Variants in LPIN1 observed in about 807,000 individuals in gnomAD.
LPIN1 encodes the protein phosphatidate phosphatase LPIN1.
In LPIN1, 71 loss-of-function variants were observed where a neutral mutation model predicts 107.5. That is an observed-to-expected ratio of 0.66 (90% confidence interval 0.55 to 0.80). The LOEUF is 0.80. LPIN1 is among the 30% of genes least tolerant of loss of function. The pLI is 0.00. For missense variants in LPIN1, 1,043 were observed against 1,160.6 expected (o/e 0.90, Z 1.47); for synonymous variants, 445 against 452.6 (o/e 0.98, Z 0.21).
intron 1 of LPIN1, among the ~76,000 whole-genome samples, chr2:11,762,203 G>A (rs1669944485): frequency 6.6e-6 from 1 of 152,156 alleles, no homozygotes; most frequent in South Asian, 2.1e-4. Flanking sequence ...CTCCGGAGTA[G>A]CCAGATGGAA....
Position 11,786,847 on chromosome 2 carries a change from C to T in LPIN1, c.1550-227C>T, listed in dbSNP as rs1389371432. On this transcript the variant is annotated intron_variant, in intron 10 of 20. Transcript: ENST00000674199. The surrounding 1 kb of genome is among the most constrained non-coding windows in gnomAD (Gnocchi z 4.1). ...TATGTGCCTCAACTAAGGTACACGT[C>T]CCCCAACATCCTCAGCCTTGCCCTG... 6.6e-6 allele frequency among the ~76,000 whole-genome samples: 1 copy of T among 152,236 alleles called. No individual in the cohort carries two copies. The highest frequency in any genetic ancestry group is 6.5e-5 in the Admixed American group (1 of 15,294).
Position 11,804,424 on chromosome 2 carries a change from A to G in LPIN1, c.2015A>G (p.Lys672Arg). Reference protein sequence around the residue: ...KTLRLTSEQLKSLKLKNGPND... With the variant: ...KTLRLTSEQLRSLKLKNGPND... ...ATACTAATGGTTCATGTTTTTCAGA[A>G]AAGCTTGAAGTTGAAGAATGGCCCC... Residue 672 changes from lysine to arginine, a missense_variant and splice_region_variant, in exon 16 of 21, where the codon AAA becomes AGA. Lys to Arg is a conservative substitution (Grantham distance 26). Transcript: ENST00000674199. 1 of 1,614,212 alleles carries G rather than the reference A, an allele frequency of 6.2e-7. No individual in the cohort carries two copies.
chr2:11,733,786 C>T (rs543677314), intron 1 of LPIN1, among the ~76,000 whole-genome samples: 1 of 152,316 alleles, frequency 6.6e-6, no homozygotes, highest in African/African-American at 2.4e-5. Flanking sequence ...GCCACTGCAC[C>T]CAGCTACTGT....
At chr2:11,688,527 A>G (rs11884930) in intron 1 of LPIN1, among the ~76,000 whole-genome samples, 55,837 of 151,960 alleles carry the variant, frequency 0.37, 11,125 homozygotes, top group Middle Eastern at 0.45. Context: ...TTACCCCGTA[A>G]AAGTGCAGCC....
chr2:11,776,572 C>T (rs1343563683), intron 6 of LPIN1, among the ~76,000 whole-genome samples: 2 of 151,772 alleles, frequency 1.3e-5, no homozygotes, highest in Non-Finnish European at 2.9e-5. Flanking sequence ...TTTTCTGTCT[C>T]GGGTTGTTTG....
intron 1 of LPIN1, among the ~76,000 whole-genome samples, chr2:11,724,817 C>T (rs1398529526): frequency 6.6e-6 from 1 of 152,198 alleles, no homozygotes; most frequent in African/African-American, 2.4e-5. Context: ...ATTCTGTTTG[C>T]TGGTTCGCTC....
At position 11,804,206 on chromosome 2, in the gene LPIN1, A is replaced by G. The variant is rs78110587; in HGVS notation, c.2014-217A>G. Among the ~76,000 whole-genome samples, 1,110 of 152,250 alleles carry G rather than the reference A, an allele frequency of 7.3e-3. 19 individuals carry two copies. The highest frequency in any genetic ancestry group is 0.025 in the African/African-American group (1,048 of 41,546). On this transcript the variant is annotated intron_variant, in intron 15 of 20. Transcript: ENST00000674199. ...CTGTAGCAAGTAGGCAAGTTGCATT[A>G]CAAGGGGGCCTGAGAGAGCTGAGGT...
At chr2:11,694,263 C>T (rs959473812) in intron 1 of LPIN1, among the ~76,000 whole-genome samples, 3 of 152,138 alleles carry the variant, frequency 2.0e-5, no homozygotes, top group Non-Finnish European at 4.4e-5. Context: ...TAATCCACTC[C>T]AAGAATGTGT....
intron 20 of LPIN1, among the ~76,000 whole-genome samples, chr2:11,823,679 T>C (rs1681950231): frequency 6.6e-6 from 1 of 152,178 alleles, no homozygotes; most frequent in Non-Finnish European, 1.5e-5. Flanking sequence ...GTGGGCTGGG[T>C]GTGCCAGAAT....
chr2:11,696,645 C>G (rs1356371528), intron 1 of LPIN1, among the ~76,000 whole-genome samples: 1 of 152,162 alleles, frequency 6.6e-6, no homozygotes, highest in East Asian at 1.9e-4. Flanking sequence ...GAGCAGACAG[C>G]AAGCTTCTGT....
intron 1 of LPIN1, among the ~76,000 whole-genome samples, chr2:11,679,064 G>A (rs572021309): frequency 1.3e-5 from 2 of 152,318 alleles, no homozygotes; most frequent in South Asian, 4.1e-4. Flanking sequence ...TGGACAGGTG[G>A]GGCTCTTATG....
At chr2:11,694,114 G>T (rs59002621) in intron 1 of LPIN1, among the ~76,000 whole-genome samples, 3 of 151,720 alleles carry the variant, frequency 2.0e-5, no homozygotes, top group Non-Finnish European at 2.9e-5. Flanking sequence ...GATTACATGC[G>T]TGAGCCACCA....
intron 20 of LPIN1, among the ~76,000 whole-genome samples, chr2:11,821,648 G>C (rs577681105): frequency 1.3e-5 from 2 of 152,344 alleles, no homozygotes; most frequent in African/African-American, 4.8e-5. Context: ...TGTAGCTTCT[G>C]TGGTTTTAGA....
intron 1 of LPIN1, among the ~76,000 whole-genome samples, chr2:11,738,843 G>A (rs902854250): frequency 1.3e-5 from 2 of 152,212 alleles, no homozygotes; most frequent in African/African-American, 4.8e-5. Context: ...CTTCAGCTGA[G>A]TACTGGTCTG....
chr2:11,702,967 C>T (rs1355646632), intron 1 of LPIN1, among the ~76,000 whole-genome samples: 2 of 152,154 alleles, frequency 1.3e-5, no homozygotes, highest in East Asian at 1.9e-4. Flanking sequence ...GTGTGGATGA[C>T]CGCCTCCCAG....
At chr2:11,823,352 C>G (rs754570152) in intron 20 of LPIN1, among the ~76,000 whole-genome samples, 1 of 152,162 alleles carries the variant, frequency 6.6e-6, no homozygotes, top group Non-Finnish European at 1.5e-5. Flanking sequence ...AGCCACAAAC[C>G]TCAGACAAAT....
intron 1 of LPIN1, among the ~76,000 whole-genome samples, chr2:11,752,457 A>G (rs1572571664): frequency 4.7e-5 from 2 of 42,322 alleles, no homozygotes; most frequent in Non-Finnish European, 8.4e-5. Flanking sequence ...TTTGAGACGG[A>G]GTCTCGCTCT....
rs62113353 is a variant in LPIN1 at position 11,769,017 on chromosome 2, A to G, written c.288+1159A>G. Among the ~76,000 whole-genome samples the G allele has an allele frequency of 7.2e-5, 11 of 152,256 alleles. No homozygotes were observed. In the East Asian group the frequency reaches 1.3e-3, roughly 19 times the overall value. On this transcript the variant is annotated intron_variant, in intron 3 of 20. Coordinates refer to ENST00000674199, the MANE Select transcript of LPIN1 (RefSeq NM_001349206.2). Reference sequence around the variant, plus strand: ...CCACCTTGTAGCCGTTGTAAACAACATGGCTGTGAACATTTGTATACAAGT... The same window carrying G: ...CCACCTTGTAGCCGTTGTAAACAACGTGGCTGTGAACATTTGTATACAAGT...
Position 11,774,067 on chromosome 2 carries a change from C to A in LPIN1, c.722+322C>A, listed in dbSNP as rs1672293437. Reference sequence around the variant, plus strand: ...GGCAGAGCCTTTCTTGATACTTAGCCCTAAGTAAAATTCAAAAACAGACGT... The same window carrying A: ...GGCAGAGCCTTTCTTGATACTTAGCACTAAGTAAAATTCAAAAACAGACGT... On this transcript the variant is annotated intron_variant, in intron 5 of 20. Coordinates refer to ENST00000674199, the MANE Select transcript of LPIN1 (RefSeq NM_001349206.2). The surrounding 1 kb of genome is among the most constrained non-coding windows in gnomAD (Gnocchi z 4.4). Among the ~76,000 whole-genome samples, 1 of 152,098 alleles carries A rather than the reference C, an allele frequency of 6.6e-6. No individual in the cohort carries two copies. Among genetic ancestry groups the A allele is most frequent in the African/African-American group, 2.4e-5 (1 of 41,392 alleles).
Sources: allele counts gnomAD v4.1 joint callset (sites outside exome capture counted in the v4.1 genomes callset), GRCh38; gene constraint gnomAD v4.1.1; non-coding constraint Gnocchi (gnomAD v3.1); transcripts MANE v1.5; gene names NCBI Gene and HGNC (gene_info 2026-07-23, HGNC 2026-07-21).